The following LIN54 variants were observed in gnomAD, a reference collection of about 807,000 sequenced individuals.
The protein encoded by LIN54 is protein lin-54 homolog.
A neutral mutation model predicts 78.7 loss-of-function variants in LIN54; 9 were observed. That is an observed-to-expected ratio of 0.11 (90% CI 0.07 to 0.20). The LOEUF is 0.20. Ranked by LOEUF, LIN54 falls within the 10% of genes least tolerant of loss-of-function variation. The probability of loss-of-function intolerance (pLI) is 1.00; values close to 1 mark genes in which losing one functional copy is unlikely to be tolerated. For missense variants in LIN54, 573 were observed against 889.9 expected, an observed-to-expected ratio of 0.64 and a Z score of 4.53; for synonymous variants, 269 against 318.4, an observed-to-expected ratio of 0.84 and a Z score of 1.65.
chr4:82,957,273 G>A (rs1724405744), intron 4 of LIN54, among the ~76,000 whole-genome samples: 1 of 152,198 alleles, frequency 6.6e-6, no homozygotes, highest in Non-Finnish European at 1.5e-5. Context: ...CTGAAAGTAA[G>A]CTTTATGATT....
chr4:82,930,276 CTT>C (rs1344836214), intron 12 of LIN54, among the ~76,000 whole-genome samples: 2 of 152,218 alleles, frequency 1.3e-5, no homozygotes, highest in African/African-American at 4.8e-5. Flanking sequence ...CTCTAACAAA[CTT>C]TCTAATACCA....
intron 4 of LIN54, among the ~76,000 whole-genome samples, chr4:82,961,359 A>G (rs1486564179): frequency 2.0e-5 from 3 of 152,228 alleles, no homozygotes; most frequent in Non-Finnish European, 2.9e-5. Flanking sequence ...TTGGTCACAG[A>G]AATCAGAGAA....
chr4:82,966,704 C>T (rs1578564154), intron 4 of LIN54, among the ~76,000 whole-genome samples: 1 of 152,048 alleles, frequency 6.6e-6, no homozygotes, highest in African/African-American at 2.4e-5. Flanking sequence ...TTGCAACCTC[C>T]GCCTCCCCGG....
intron 5 of LIN54, among the ~76,000 whole-genome samples, chr4:82,943,922 GC>G (rs1723150283): frequency 6.8e-6 from 1 of 147,558 alleles, no homozygotes; most frequent in Admixed American, 6.8e-5. Context: ...AGGCTGGAGT[GC>G]AGTGGTGTGA....
chr4:82,961,154 T>C (rs898220130), intron 4 of LIN54, among the ~76,000 whole-genome samples: 6 of 152,194 alleles, frequency 3.9e-5, no homozygotes, highest in Non-Finnish European at 5.9e-5. Context: ...ATGGGCTATT[T>C]GGAGAGAAGT....
chr4:82,983,547 C>A (rs975042911), intron 2 of LIN54, among the ~76,000 whole-genome samples: 11 of 152,086 alleles, frequency 7.2e-5, no homozygotes, highest in African/African-American at 2.4e-4. Flanking sequence ...AAGTAACCTA[C>A]GAAAGTTTTC....
chr4:82,947,235 A>ATATATATTTTTTTTTTTTTTTT, intron 4 of LIN54, among the ~76,000 whole-genome samples: 1 of 44,290 alleles, frequency 2.3e-5, no homozygotes, highest in African/African-American at 1.0e-4. Context: ...ATATATATAT[A>ATATATATTTTTTTTTTTTTTTT]TTTTTTTTTT....
chr4:82,989,642 C>A (rs1446328053), intron 1 of LIN54, among the ~76,000 whole-genome samples: 1 of 152,180 alleles, frequency 6.6e-6, no homozygotes, highest in East Asian at 1.9e-4. Context: ...CATAAGGACA[C>A]ACAGACATCA....
chr4:83,010,796 GGCCGCC>G lies in LIN54; in HGVS notation c.-351_-346del. The G allele has an allele frequency of 8.1e-7, 1 of 1,234,100 alleles. No homozygotes were observed. Among genetic ancestry groups the G allele is most frequent in the Non-Finnish European group, 1.0e-6 (1 of 990,314 alleles). The allele number at this position is 1,234,100 out of a possible 1,614,324, so 76.4% of individuals were successfully genotyped here. A position where few individuals can be genotyped will look rare whatever the true frequency, so the allele number is the denominator to read the frequency against. ...CAGCTTCCCCGACAGCCGGAGCCCGGGCCGCCGCCGCCGCCGCCACCACCAGTAACC... is the reference window on the plus strand; with the variant it reads ...CAGCTTCCCCGACAGCCGGAGCCCGGGCCGCCGCCGCCACCACCAGTAACC... On this transcript the variant is annotated 5_prime_UTR_variant, in exon 1 of 13. Coordinates refer to ENST00000340417, the MANE Select transcript of LIN54 (RefSeq NM_194282.4).
At chr4:82,970,538 C>T (rs970812555) in intron 3 of LIN54, 69 bp from the exon 4 acceptor site, 1 of 1,363,132 alleles carries the variant, frequency 7.3e-7, no homozygotes, top group East Asian at 2.3e-5. Context: ...TGTGATGATG[C>T]TCTACACTCA....
chr4:82,991,052 T>TATA (rs1265270260), intron 1 of LIN54, among the ~76,000 whole-genome samples: 1 of 151,724 alleles, frequency 6.6e-6, no homozygotes, highest in Non-Finnish European at 1.5e-5. Context: ...TCCCAGCTAT[T>TATA]CAGGAGGATG....
chr4:82,930,812 TA>T, intron 12 of LIN54, 130 bp downstream of exon 12: 1 of 761,962 alleles, frequency 1.3e-6, no homozygotes, highest in Non-Finnish European at 2.1e-6. Context: ...TACAAGTAAC[TA>T]AAGATGGAAA....
rs1368551280 is a variant in LIN54, at chr4:82,924,890, C to T, written c.*3212G>A. 1 of 152,552 alleles carries T rather than the reference C, an allele frequency of 6.6e-6. No homozygotes were observed. Among genetic ancestry groups the T allele is most frequent in the Non-Finnish European group, 1.5e-5 (1 of 68,018 alleles). The allele number at this position is 152,552 out of a possible 1,614,324, so 9.4% of individuals were successfully genotyped here. A position where few individuals can be genotyped will look rare whatever the true frequency, so the allele number is the denominator to read the frequency against. ...CATGATCAAAGTTATGGCCGGAGGT[C>T]CTGCTGTGAAGCTTCATTTACATAA... On this transcript the variant is annotated 3_prime_UTR_variant, in exon 13 of 13. Transcript: ENST00000340417.
chr4:83,002,367 TA>T (rs1312619629), intron 1 of LIN54, among the ~76,000 whole-genome samples: 5 of 107,378 alleles, frequency 4.7e-5, no homozygotes, highest in African/African-American at 1.5e-4. Context: ...ACCTCACCTC[TA>T]AAAAAAAAGC....
At chr4:83,012,148 T>C (rs1175553380), upstream of LIN54, 21 of 482,402 alleles carry the variant, frequency 4.4e-5, no homozygotes, top group Non-Finnish European at 5.7e-5. Context: ...TGTTCTCAAT[T>C]ACTTCATCTT....
Position 82,927,704 on chromosome 4 carries a change from G to A in LIN54, c.*398C>T, listed in dbSNP as rs972591636. ...TAACATTCTGTCTGCAGATATTCTA[G>A]ATCAAGTCCCAAAGAATGGGTGCTA... On this transcript the variant is annotated 3_prime_UTR_variant, in exon 13 of 13. Coordinates refer to ENST00000340417, the MANE Select transcript of LIN54 (RefSeq NM_194282.4). The A allele has an allele frequency of 2.5e-5, 4 of 161,810 alleles. No homozygotes were observed. Among genetic ancestry groups the A allele is most frequent in the Admixed American group, 2.4e-4 (4 of 16,410 alleles). The allele number at this position is 161,810 out of a possible 1,614,324, so 10.0% of individuals were successfully genotyped here.
intron 4 of LIN54, among the ~76,000 whole-genome samples, chr4:82,956,691 A>T (rs1305064787): frequency 6.6e-6 from 1 of 152,104 alleles, no homozygotes; most frequent in Non-Finnish European, 1.5e-5. Context: ...CATAAAACAA[A>T]ACCAATCTAT....
intron 4 of LIN54, 104 bp from the exon 5 acceptor site, chr4:82,946,578 C>T (rs1321706211): frequency 1.2e-6 from 1 of 857,294 alleles, no homozygotes; most frequent in Non-Finnish European, 1.8e-6. Flanking sequence ...TCCTGTATTG[C>T]ATCAAAAGCT....
intron 5 of LIN54, among the ~76,000 whole-genome samples, chr4:82,942,985 G>A (rs964499665): frequency 6.6e-6 from 1 of 151,554 alleles, no homozygotes; most frequent in African/African-American, 2.4e-5. Flanking sequence ...CTGAAGCCTG[G>A]GGAATGAAGA....
Sources: allele counts gnomAD v4.1 joint callset (sites outside exome capture counted in the v4.1 genomes callset), GRCh38; gene constraint gnomAD v4.1.1; transcripts MANE v1.5; gene names NCBI Gene and HGNC (gene_info 2026-07-23, HGNC 2026-07-21).